PXN: variants seen among roughly 807,000 people sequenced by gnomAD.
The protein encoded by PXN is testicular tissue protein Li 134.
PXN carries 61 observed loss-of-function variants against 103.6 expected under a neutral mutation model. The ratio of observed to expected loss-of-function variants is 0.59; its 90% CI spans 0.48 to 0.73. PXN has a LOEUF of 0.73. Among genes scored for constraint, PXN ranks in the 30% least tolerant of loss-of-function variants. PXN has a pLI of 0.00. For synonymous variants in PXN, 562 were observed against 607.8 expected (o/e 0.92, Z 1.11); for missense variants, 1,274 against 1,460.3 (o/e 0.87, Z 2.08).
Position 120,229,643 on chromosome 12 carries a change from C to T in PXN, c.14-5266G>A, listed in dbSNP as rs928485137. On this transcript the variant is annotated intron_variant, in intron 1 of 14. Transcript: ENST00000637617. The surrounding 1 kb of genome is among the most constrained non-coding windows in gnomAD (Gnocchi z 4.0). ...ATGAGAAAAAGATATAAAGTGCTGA[C>T]TTAGCACAGTGCCTGGAATACAGCA... Among the ~76,000 whole-genome samples, 9 of 152,176 alleles carry T rather than the reference C, an allele frequency of 5.9e-5. No homozygotes were observed. Among genetic ancestry groups the T allele is most frequent in the African/African-American group, 2.2e-4 (9 of 41,438 alleles).
intron 1 of PXN, among the ~76,000 whole-genome samples, chr12:120,255,025 G>A (rs1892780209): frequency 6.6e-6 from 1 of 152,160 alleles, no homozygotes. Flanking sequence ...GAGTAGATGA[G>A]AAGGGAGAGT....
At chr12:120,264,656 T>G (rs1232077126) in intron 1 of PXN, among the ~76,000 whole-genome samples, 2 of 152,256 alleles carry the variant, frequency 1.3e-5, no homozygotes, top group Non-Finnish European at 2.9e-5. Context: ...CTGGGCATCC[T>G]GTCCTCTTTC....
chr12:120,256,163 C>A (rs948832962), intron 1 of PXN, among the ~76,000 whole-genome samples: 2 of 152,046 alleles, frequency 1.3e-5, no homozygotes, highest in African/African-American at 4.8e-5. Flanking sequence ...ATAATACCAG[C>A]ACTTTGGAAA....
At chr12:120,263,277 C>T (rs1024829710) in intron 1 of PXN, among the ~76,000 whole-genome samples, 1 of 152,230 alleles carries the variant, frequency 6.6e-6, no homozygotes, top group South Asian at 2.1e-4. Flanking sequence ...AAATTCCTCT[C>T]CCCTCCTGCA....
chr12:120,222,728 C>A lies in PXN; in HGVS notation c.516G>T (p.Pro172=), dbSNP rs772963758. The change falls in exon 5 of 15, where the codon CCG becomes CCT. Residue 172 remains proline (P), a synonymous_variant. Coordinates refer to ENST00000637617, the MANE Select transcript of PXN (RefSeq NM_001385981.1). The surrounding 1 kb of genome is among the most constrained non-coding windows in gnomAD (Gnocchi z 4.7). ...FPADEANSSP[P]LPGALSPLYG... is the part of the protein sequence containing the mutation. Reference sequence around the variant, plus strand: ...AGAGGGGGCTCAGGGCCCCAGGAAGCGGGGGGCTTGAGTTGGCCTCATCTT... The same window carrying A: ...AGAGGGGGCTCAGGGCCCCAGGAAGAGGGGGGCTTGAGTTGGCCTCATCTT... The A allele has an allele frequency of 5.0e-6, 8 of 1,607,364 alleles. No individual in the cohort carries two copies. The highest frequency in any genetic ancestry group is 3.3e-4 in the Middle Eastern group (2 of 6,036).
chr12:120,243,818 C>G (rs1422656691), intron 1 of PXN, among the ~76,000 whole-genome samples: 3 of 152,202 alleles, frequency 2.0e-5, no homozygotes, highest in Non-Finnish European at 4.4e-5. Context: ...GTGCACTTCT[C>G]CTATGAGAAC....
At chr12:120,261,271 ATC>A (rs1893841958) in intron 1 of PXN, among the ~76,000 whole-genome samples, 1 of 152,146 alleles carries the variant, frequency 6.6e-6, no homozygotes, top group Non-Finnish European at 1.5e-5. Flanking sequence ...GCTTACTGCA[ATC>A]TCTGCCTCCC....
intron 1 of PXN, among the ~76,000 whole-genome samples, chr12:120,227,714 G>C (rs1887177043): frequency 6.6e-6 from 1 of 152,150 alleles, no homozygotes; most frequent in Non-Finnish European, 1.5e-5. Context: ...AAGAGGGGTA[G>C]GGGTTGGTGC....
In PXN at chr12:120,211,953, G is replaced by GC. The variant is rs139268715; in HGVS notation, c.*360dup. The stretch of plus-strand genomic sequence containing the variant: ...CAACAGACCCTGCCTGCCCTTCCCT[G>GC]CCCCCCGGCTGCACTGCTGAAATAT... On this transcript the variant is annotated 3_prime_UTR_variant, in exon 15 of 15. Coordinates refer to ENST00000637617, the MANE Select transcript of PXN (RefSeq NM_001385981.1). 8.7e-3 allele frequency: 4,842 copies of GC among 556,270 alleles called. 202 individuals carry two copies. Among genetic ancestry groups the GC allele is most frequent in the African/African-American group, 0.082 (4,372 of 53,550 alleles). The allele number at this position is 556,270 out of a possible 1,614,324, so 34.5% of individuals were successfully genotyped here. A position where few individuals can be genotyped will look rare whatever the true frequency, so the allele number is the denominator to read the frequency against.
In PXN at chr12:120,214,728, CCT is replaced by C; in HGVS notation, c.2748+95_2748+96del. On this transcript the variant is annotated intron_variant, in intron 12 of 14. Coordinates refer to ENST00000637617, the MANE Select transcript of PXN (RefSeq NM_001385981.1). This position sits in a 1 kb window ranked among gnomAD's most constrained non-coding sequence, Gnocchi z 5.0. ...AGCCCTGTGAGCCTCGGGCATGTGACCTCTCTGAGCCTCCCACGGCACCCCCT... is the reference window on the plus strand; with the variant it reads ...AGCCCTGTGAGCCTCGGGCATGTGACCTCTGAGCCTCCCACGGCACCCCCT... 1 of 1,492,238 alleles carries C rather than the reference CCT, an allele frequency of 6.7e-7. No individual in the cohort carries two copies. Among genetic ancestry groups the C allele is most frequent in the Non-Finnish European group, 9.2e-7 (1 of 1,092,626 alleles). The allele number at this position is 1,492,238 out of a possible 1,614,324, so 92.4% of individuals were successfully genotyped here. A position where few individuals can be genotyped will look rare whatever the true frequency, so the allele number is the denominator to read the frequency against.
rs574870189 is a variant in PXN at position 120,253,405 on chromosome 12, G to A, written c.13+12212C>T. Among the ~76,000 whole-genome samples the A allele has an allele frequency of 3.3e-5, 5 of 152,222 alleles. No individual in the cohort carries two copies. The South Asian group carries it at 6.2e-4, about 19-fold the overall frequency. On this transcript the variant is annotated intron_variant, in intron 1 of 14. Transcript: ENST00000637617. ...GGAGAATTGCTTGAACCCCAGAGGC[G>A]GAGGTTGCAGTGAGCTGAGATCACG...
At chr12:120,264,862 A>G (rs990433218) in intron 1 of PXN, among the ~76,000 whole-genome samples, 1 of 152,008 alleles carries the variant, frequency 6.6e-6, no homozygotes, top group African/African-American at 2.4e-5. Flanking sequence ...TGGTAGACGG[A>G]CTGGTCTGTG....
Position 120,254,390 on chromosome 12 carries a change from A to T in PXN, c.13+11227T>A, listed in dbSNP as rs1027776443. On this transcript the variant is annotated intron_variant, in intron 1 of 14. Coordinates refer to ENST00000637617, the MANE Select transcript of PXN (RefSeq NM_001385981.1). Reference sequence around the variant, plus strand: ...CTCGGGATTTTCGGATTTTTGTTACATAAGTAGATTTAGCTGCTCTTGGCA... The same window carrying T: ...CTCGGGATTTTCGGATTTTTGTTACTTAAGTAGATTTAGCTGCTCTTGGCA... Among the ~76,000 whole-genome samples the T allele has an allele frequency of 2.6e-5, 4 of 152,198 alleles. No homozygotes were observed. In the East Asian group the frequency reaches 7.7e-4, roughly 29 times the overall value.
chr12:120,251,699 C>A (rs554874467), intron 1 of PXN, among the ~76,000 whole-genome samples: 2 of 152,196 alleles, frequency 1.3e-5, no homozygotes, highest in South Asian at 4.1e-4. Context: ...CGCCTGTAAT[C>A]CCAGCTATTT....
At position 120,223,209 on chromosome 12, in the gene PXN, T is replaced by C. The variant is rs185776570; in HGVS notation, c.357-210A>G. Among the ~76,000 whole-genome samples the C allele has an allele frequency of 8.4e-3, 1,269 of 151,540 alleles. 18 individuals carry two copies. Among genetic ancestry groups the C allele is most frequent in the African/African-American group, 0.029 (1,185 of 41,290 alleles). ...CTGTAATCCCAGCACTTTGGGAGGC[T>C]GAGGCGGGCAGATCATGAGGTCAGG... On this transcript the variant is annotated intron_variant, in intron 3 of 14. Coordinates refer to ENST00000637617, the MANE Select transcript of PXN (RefSeq NM_001385981.1).
chr12:120,230,675 A>G (rs570566107), intron 1 of PXN, among the ~76,000 whole-genome samples: 1 of 142,952 alleles, frequency 7.0e-6, no homozygotes, highest in African/African-American at 2.6e-5. Context: ...CCCAGAGCAC[A>G]TGAGCAGTTA....
rs79193648 is a variant in PXN, at chr12:120,254,415, A to G, written c.13+11202T>C. Among the ~76,000 whole-genome samples, 485 of 152,310 alleles carry G rather than the reference A, an allele frequency of 3.2e-3. 2 individuals carry two copies. The highest frequency in any genetic ancestry group is 0.011 in the African/African-American group (465 of 41,562). On this transcript the variant is annotated intron_variant, in intron 1 of 14. Transcript: ENST00000637617. ...ATAAGTAGATTTAGCTGCTCTTGGC[A>G]CACAGGAAAGTAGCTGTGAGATGAC...
intron 1 of PXN, among the ~76,000 whole-genome samples, chr12:120,249,111 T>C (rs1276817239): frequency 1.3e-5 from 2 of 152,066 alleles, no homozygotes; most frequent in Non-Finnish European, 2.9e-5. Context: ...CACTCCAGCC[T>C]GGGCGACAGA....
chr12:120,223,218 C>T (rs1411040163), intron 3 of PXN, among the ~76,000 whole-genome samples: 1 of 151,494 alleles, frequency 6.6e-6, no homozygotes, highest in African/African-American at 2.4e-5. Context: ...CTGAGGCGGG[C>T]AGATCATGAG....
Sources: allele counts gnomAD v4.1 joint callset (sites outside exome capture counted in the v4.1 genomes callset), GRCh38; gene constraint gnomAD v4.1.1; non-coding constraint Gnocchi (gnomAD v3.1); transcripts MANE v1.5; gene names NCBI Gene and HGNC (gene_info 2026-07-23, HGNC 2026-07-21).